The following OXTR variants were observed in gnomAD, a reference collection of about 807,000 sequenced individuals.
OXTR encodes oxytocin receptor.
In OXTR, 19 loss-of-function variants were observed where a neutral mutation model predicts 23.9. That is an observed-to-expected ratio of 0.80 (90% CI 0.56 to 1.17). The LOEUF (loss-of-function observed/expected upper bound fraction) is 1.17, where lower values mean the gene tolerates loss of function less well. Among genes scored for constraint, OXTR ranks in the 50% most tolerant of loss-of-function variants. The pLI is 0.00. For synonymous variants in OXTR, 278 were observed against 250.5 expected (o/e 1.11, Z -1.04); for missense variants, 500 against 550.7 (o/e 0.91, Z 0.92).
At chr3:8,761,135 T>C (rs931743694) in intron 3 of OXTR, among the ~76,000 whole-genome samples, 1 of 152,152 alleles carries the variant, frequency 6.6e-6, no homozygotes, top group Admixed American at 6.5e-5. Context: ...CAGCCTAAAA[T>C]GTCAATAGTG....
chr3:8,765,110 G>T (rs1708576536), intron 3 of OXTR, among the ~76,000 whole-genome samples: 1 of 152,212 alleles, frequency 6.6e-6, no homozygotes, highest in African/African-American at 2.4e-5. Context: ...GCCAGGATCT[G>T]TGTGTGTCTG....
At position 8,751,035 on chromosome 3, in the gene OXTR, CG is replaced by C. The variant is rs1424095631; in HGVS notation, c.*1941del. ...TCTACCAGTTTCTCTACATCCTCAC[CG>C]ACACTCGTTCTTGTCCATCTTTTTA... On this transcript the variant is annotated 3_prime_UTR_variant, in exon 4 of 4. Transcript: ENST00000316793. The C allele has an allele frequency of 6.6e-6, 1 of 152,090 alleles. No individual in the cohort carries two copies. Among genetic ancestry groups the C allele is most frequent in the East Asian group, 1.9e-4 (1 of 5,196 alleles). The allele number at this position is 152,090 out of a possible 1,614,324, so 9.4% of individuals were successfully genotyped here.
At chr3:8,757,164 A>C (rs1164125908) in intron 3 of OXTR, among the ~76,000 whole-genome samples, 3 of 152,130 alleles carry the variant, frequency 2.0e-5, no homozygotes, top group African/African-American at 4.8e-5. Flanking sequence ...CAGTTTCCTT[A>C]TCTGTAGCAT....
In OXTR at chr3:8,752,854, A is replaced by G. The variant is rs1169125777; in HGVS notation, c.*123T>C. ...TCTCCACCCCACTGAAGCCACCCCA[A>G]GGAGGGGAGGGATACAAACTGATAG... On this transcript the variant is annotated 3_prime_UTR_variant, in exon 4 of 4. Transcript: ENST00000316793. 4 of 1,081,248 alleles carry G rather than the reference A, an allele frequency of 3.7e-6. No individual in the cohort carries two copies. The highest frequency in any genetic ancestry group is 1.7e-5 in the South Asian group (1 of 60,264). The allele number at this position is 1,081,248 out of a possible 1,614,324, so 67.0% of individuals were successfully genotyped here.
intron 3 of OXTR, among the ~76,000 whole-genome samples, chr3:8,753,629 T>C (rs1575483262): frequency 6.6e-6 from 1 of 152,296 alleles, no homozygotes; most frequent in East Asian, 1.9e-4. Flanking sequence ...CCACACCTAG[T>C]TTGCATGCTA....
In OXTR at chr3:8,753,948, G is replaced by T. The variant is rs914704383; in HGVS notation, c.923-724C>A. On this transcript the variant is annotated intron_variant, in intron 3 of 3. Transcript: ENST00000316793. ...GAGCTGATTCCCAAAGATGCCTATGGTTTTTCCAGGCAGAGCAGGGAAGAA... is the reference window on the plus strand; with the variant it reads ...GAGCTGATTCCCAAAGATGCCTATGTTTTTTCCAGGCAGAGCAGGGAAGAA... Among the ~76,000 whole-genome samples, 7 of 152,200 alleles carry T rather than the reference G, an allele frequency of 4.6e-5. No individual in the cohort carries two copies. In the South Asian group the frequency reaches 1.0e-3, roughly 23 times the overall value.
chr3:8,746,231 A>T (rs1708160755), downstream of OXTR: 1 of 199,570 alleles, frequency 5.0e-6, no homozygotes. Flanking sequence ...GTGACCAGTG[A>T]CCACTGGCGT....
chr3:8,741,784 C>A, the OXTR span, among the ~76,000 whole-genome samples: 1 of 152,272 alleles, frequency 6.6e-6, no homozygotes, highest in South Asian at 2.1e-4. Flanking sequence ...TTGTCCTCCC[C>A]CGCATCCTCA....
At chr3:8,761,009 TG>T (rs1708472891) in intron 3 of OXTR, among the ~76,000 whole-genome samples, 1 of 152,226 alleles carries the variant, frequency 6.6e-6, no homozygotes, top group African/African-American at 2.4e-5. Flanking sequence ...TGGCCACAGC[TG>T]GCAGGGAGGT....
At chr3:8,742,568 T>A in the OXTR span, 1 of 451,736 alleles carries the variant, frequency 2.2e-6, no homozygotes, top group African/African-American at 2.0e-5. Context: ...TCAAAAGAAT[T>A]TCTCAGATGT....
the OXTR span, among the ~76,000 whole-genome samples, chr3:8,744,038 C>A: frequency 6.6e-6 from 1 of 152,124 alleles, no homozygotes; most frequent in African/African-American, 2.4e-5. Context: ...GAGCCTCAGC[C>A]CTGCAGGCCA....
the OXTR span, among the ~76,000 whole-genome samples, chr3:8,744,692 C>G: frequency 1.3e-5 from 2 of 152,126 alleles, no homozygotes; most frequent in Non-Finnish European, 2.9e-5. Flanking sequence ...ATGTGAGGAA[C>G]CTCTGCCTGT....
the OXTR span, among the ~76,000 whole-genome samples, chr3:8,743,780 G>A: frequency 6.6e-6 from 1 of 152,114 alleles, no homozygotes; most frequent in Non-Finnish European, 1.5e-5. Context: ...GAGCAACATG[G>A]TTCTAGTCAC....
intron 3 of OXTR, among the ~76,000 whole-genome samples, chr3:8,763,492 C>A (rs1471619770): frequency 6.6e-6 from 1 of 152,156 alleles, no homozygotes; most frequent in Non-Finnish European, 1.5e-5. Context: ...GCAAACAGCC[C>A]CACTCTACCA....
rs1354036918 is a variant in OXTR, at chr3:8,751,381, T to A, written c.*1596A>T. The A allele has an allele frequency of 1.3e-5, 2 of 152,050 alleles. No individual in the cohort carries two copies. The highest frequency in any genetic ancestry group is 2.9e-5 in the Non-Finnish European group (2 of 68,036). 9.4% of individuals were successfully genotyped at this position (152,050 alleles called of 1,614,324 possible). A position where few individuals can be genotyped will look rare whatever the true frequency, so the allele number is the denominator to read the frequency against. Reference sequence around the variant, plus strand: ...TCTTTTCAATCACAAAAGCTTCAAATCTTGATTAAGTCCAATTTACCTATT... The same window carrying A: ...TCTTTTCAATCACAAAAGCTTCAAAACTTGATTAAGTCCAATTTACCTATT... On this transcript the variant is annotated 3_prime_UTR_variant, in exon 4 of 4. Coordinates refer to ENST00000316793, the MANE Select transcript of OXTR (RefSeq NM_000916.4).
chr3:8,767,083 G>A (rs1458345646), intron 3 of OXTR, among the ~76,000 whole-genome samples, 183 bp downstream of exon 3: 1 of 152,194 alleles, frequency 6.6e-6, no homozygotes, highest in Non-Finnish European at 1.5e-5. Context: ...GAAAGTGGAG[G>A]CTCAGGGAGG....
Position 8,767,651 on chromosome 3 carries a change from C to T in OXTR, c.537G>A (p.Glu179=). 1 of 1,612,794 alleles carries T rather than the reference C, an allele frequency of 6.2e-7. No homozygotes were observed. Among genetic ancestry groups the T allele is most frequent in the Non-Finnish European group, 8.5e-7 (1 of 1,179,630 alleles). ...AGCAGTCGAAGACGCCGTCAGCCAC[C>T]TCGCGCAGAGAGAAGATGTGCACCT... ...APQVHIFSLR[E]VADGVFDCWA... is the part of the protein sequence containing the mutation. The change falls in exon 3 of 4, where the codon GAG becomes GAA. Residue 179 remains glutamate (E), a synonymous_variant. Coordinates refer to ENST00000316793, the MANE Select transcript of OXTR (RefSeq NM_000916.4).
chr3:8,758,234 T>C (rs1354300086), intron 3 of OXTR, among the ~76,000 whole-genome samples: 2 of 152,046 alleles, frequency 1.3e-5, no homozygotes, highest in Non-Finnish European at 2.9e-5. Flanking sequence ...AACTCCCCTG[T>C]TAGGATTTCC....
Position 8,768,241 on chromosome 3 carries a change from G to T in OXTR, c.-54C>A. 1 of 1,263,694 alleles carries T rather than the reference G, an allele frequency of 7.9e-7. No individual in the cohort carries two copies. Among genetic ancestry groups the T allele is most frequent in the Non-Finnish European group, 9.9e-7 (1 of 1,009,664 alleles). The allele number at this position is 1,263,694 out of a possible 1,614,324, so 78.3% of individuals were successfully genotyped here. On this transcript the variant is annotated 5_prime_UTR_variant, in exon 3 of 4. Coordinates refer to ENST00000316793, the MANE Select transcript of OXTR (RefSeq NM_000916.4). This position sits in a 1 kb window ranked among gnomAD's most constrained non-coding sequence, Gnocchi z 5.4. ...CTTCGAGCCCTTTACGGCTTGGCGC[G>T]GCTGGGCCGGATCCGGCGTGTCGGA... is the stretch of plus-strand genomic sequence containing the variant.
Sources: allele counts gnomAD v4.1 joint callset (sites outside exome capture counted in the v4.1 genomes callset), GRCh38; gene constraint gnomAD v4.1.1; non-coding constraint Gnocchi (gnomAD v3.1); transcripts MANE v1.5; gene names NCBI Gene and HGNC (gene_info 2026-07-23, HGNC 2026-07-21).